RASSF2: variants seen among roughly 807,000 people sequenced by gnomAD.
The protein encoded by RASSF2 is Ras association domain family member 2.
Under a neutral mutation model 46.3 loss-of-function variants are expected in RASSF2, and 34 were observed. The observed-to-expected ratio is 0.73, with a 90% CI of 0.56 to 0.98. The LOEUF is 0.98. RASSF2 is among the 50% of genes least tolerant of loss of function. The probability of loss-of-function intolerance (pLI) is 0.00; values close to 1 mark genes in which losing one functional copy is unlikely to be tolerated. For missense variants in RASSF2, 364 were observed against 431.2 expected (o/e 0.84, Z 1.38); for synonymous variants, 158 against 162.5 (o/e 0.97, Z 0.21).
Position 4,788,256 on chromosome 20 carries a change from C to T in RASSF2, c.652G>A (p.Ala218Thr). The T allele has an allele frequency of 1.2e-6, 2 of 1,608,704 alleles. No homozygotes were observed. The highest frequency in any genetic ancestry group is 1.7e-6 in the Non-Finnish European group (2 of 1,175,018). The change falls in exon 9 of 12, where the codon GCA (alanine) becomes ACA (threonine). Residue 218 changes from alanine (A) to threonine (T), a missense_variant. Physicochemically the swap from Ala to Thr is moderately conservative, Grantham distance 58. Coordinates refer to ENST00000379400, the MANE Select transcript of RASSF2 (RefSeq NM_014737.3). The part of the protein sequence containing the change: ...LLNKFKIENS[A>T]EEFALYVVHT... ...ACCACGTACAAGGCAAACTCCTCTG[C>T]TGAATTCTCAATCTGAAGCAGGAGC... is the stretch of plus-strand genomic sequence containing the variant.
chr20:4,815,994 ATTTT>A (rs1338762245), intron 2 of RASSF2, among the ~76,000 whole-genome samples: 1 of 152,152 alleles, frequency 6.6e-6, no homozygotes, highest in African/African-American at 2.4e-5. Context: ...TAAAATAAAC[ATTTT>A]TTGTTTTATT....
In RASSF2 at chr20:4,786,267, T is replaced by C. The variant is rs370311585; in HGVS notation, c.875A>G (p.Glu292Gly). 1.2e-6 allele frequency: 2 copies of C among 1,613,480 alleles called. No homozygotes were observed. Among genetic ancestry groups the C allele is most frequent in the Non-Finnish European group, 1.7e-6 (2 of 1,179,518 alleles). ...CTTCTTTACTTCCCGATCTTCTTCC[T>C]CCTGGAGCTTCTGAATGAAGCTTTT... ...VLKSFIQKLQ[E>G]EEDREVKKLM... The change falls in exon 11 of 12, where the codon GAG becomes GGG. Residue 292 changes from glutamate to glycine, a missense_variant. Transcript: ENST00000379400.
In RASSF2 at chr20:4,790,609, A is replaced by G; in HGVS notation, c.379T>C (p.Ser127Pro). 1.3e-6 allele frequency: 2 copies of G among 1,518,242 alleles called. No individual in the cohort carries two copies. The highest frequency in any genetic ancestry group is 1.7e-6 in the Non-Finnish European group (2 of 1,144,818). 94.0% of individuals were successfully genotyped at this position (1,518,242 alleles called of 1,614,324 possible). A position where few individuals can be genotyped will look rare whatever the true frequency, so the allele number is the denominator to read the frequency against. The change falls in exon 7 of 12, where the codon TCC becomes CCC. Residue 127 changes from serine to proline, a missense_variant and splice_region_variant. Coordinates refer to ENST00000379400, the MANE Select transcript of RASSF2 (RefSeq NM_014737.3). The surrounding 1 kb of genome is among the most constrained non-coding windows in gnomAD (Gnocchi z 4.3). ...TCCTGCAGGGGCTTCAGGCCCCTGGAGTCTGAGAGAGGAGAGGGAAATGAA... is the reference window on the plus strand; with the variant it reads ...TCCTGCAGGGGCTTCAGGCCCCTGGGGTCTGAGAGAGGAGAGGGAAATGAA... The part of the protein sequence containing the change: ...EGDQMPSSTD[S>P]RGLKPLQEDT...
chr20:4,810,363 A>G (rs1020719751), intron 2 of RASSF2, among the ~76,000 whole-genome samples: 2 of 152,212 alleles, frequency 1.3e-5, no homozygotes, highest in South Asian at 4.1e-4. Context: ...TCCTGAGAGG[A>G]GAGCACACAC....
intron 2 of RASSF2, among the ~76,000 whole-genome samples, chr20:4,811,384 A>AT (rs907457375): frequency 2.0e-5 from 3 of 152,048 alleles, no homozygotes; most frequent in Non-Finnish European, 2.9e-5. Context: ...CCTGACATCC[A>AT]GATTGCAGCC....
At chr20:4,789,534 C>T (rs1925676706) in intron 8 of RASSF2, 62 bp downstream of exon 8, 1 of 1,423,288 alleles carries the variant, frequency 7.0e-7, no homozygotes, top group African/African-American at 1.4e-5. Context: ...CGCACAACCA[C>T]TCTAGGAGTC....
Position 4,782,652 on chromosome 20 carries a change from T to TG in RASSF2, c.*1620_*1621insC, listed in dbSNP as rs1924940396. On this transcript the variant is annotated 3_prime_UTR_variant, in exon 12 of 12. Coordinates refer to ENST00000379400, the MANE Select transcript of RASSF2 (RefSeq NM_014737.3). ...CTTCTCAAGAAGCCATAGGTATGAA[T>TG]CGGGGGCAGGAGGGTGCCCAGGGCA... is the stretch of plus-strand genomic sequence containing the variant. 6.6e-6 allele frequency: 1 copy of TG among 152,248 alleles called. No individual in the cohort carries two copies. Among genetic ancestry groups the TG allele is most frequent in the East Asian group, 1.9e-4 (1 of 5,188 alleles). The allele number at this position is 152,248 out of a possible 1,614,324, so 9.4% of individuals were successfully genotyped here.
chr20:4,809,463 G>A lies in RASSF2; in HGVS notation c.-32-8401C>T, dbSNP rs114732634. On this transcript the variant is annotated intron_variant, in intron 2 of 11. Coordinates refer to ENST00000379400, the MANE Select transcript of RASSF2 (RefSeq NM_014737.3). ...ATGCAGGGACAGGCACTCCCACTTC[G>A]GCCTGCCCTTCAGCACAGCACGTAC... 1.0e-2 allele frequency among the ~76,000 whole-genome samples: 1,519 copies of A among 152,098 alleles called. 30 individuals carry two copies. The highest frequency in any genetic ancestry group is 0.035 in the African/African-American group (1,448 of 41,456).
rs1245542640 is a variant in RASSF2 at position 4,790,088 on chromosome 20, C to T, written c.537+363G>A. Among the ~76,000 whole-genome samples the T allele has an allele frequency of 1.3e-5, 2 of 152,194 alleles. No homozygotes were observed. Among genetic ancestry groups the T allele is most frequent in the African/African-American group, 4.8e-5 (2 of 41,444 alleles). On this transcript the variant is annotated intron_variant, in intron 7 of 11. Coordinates refer to ENST00000379400, the MANE Select transcript of RASSF2 (RefSeq NM_014737.3). The surrounding 1 kb of genome is among the most constrained non-coding windows in gnomAD (Gnocchi z 4.3). ...GCTTCAGCTCTGGGAAAAGCCAGAC[C>T]ATACACCAGCTGGGGGCACAGTGTG...
At chr20:4,794,477 G>A (rs141220390) in intron 5 of RASSF2, among the ~76,000 whole-genome samples, 2 of 151,932 alleles carry the variant, frequency 1.3e-5, no homozygotes, top group East Asian at 1.9e-4. Context: ...GCTGAGGCAC[G>A]AATCGCTTGA....
Position 4,795,138 on chromosome 20 carries a change from G to A in RASSF2, c.287+677C>T, listed in dbSNP as rs1926225659. On this transcript the variant is annotated intron_variant, in intron 5 of 11. Coordinates refer to ENST00000379400, the MANE Select transcript of RASSF2 (RefSeq NM_014737.3). The surrounding 1 kb of genome is among the most constrained non-coding windows in gnomAD (Gnocchi z 4.0). ...CCCAGAAAGACAATAAAGAGGGCAT[G>A]CCTTGCTAGAGGCATTTGGCGGCGC... 1 of 152,288 alleles carries A rather than the reference G, an allele frequency of 6.6e-6. No individual in the cohort carries two copies. Among genetic ancestry groups the A allele is most frequent in the Non-Finnish European group, 1.5e-5 (1 of 68,080 alleles). 9.4% of individuals were successfully genotyped at this position (152,288 alleles called of 1,614,324 possible). A position where few individuals can be genotyped will look rare whatever the true frequency, so the allele number is the denominator to read the frequency against.
At chr20:4,814,666 A>G (rs1928137370) in intron 2 of RASSF2, among the ~76,000 whole-genome samples, 1 of 152,142 alleles carries the variant, frequency 6.6e-6, no homozygotes, top group Non-Finnish European at 1.5e-5. Flanking sequence ...GGCGGCAGTC[A>G]TTGCGGCATA....
chr20:4,800,869 T>G, intron 3 of RASSF2, 103 bp downstream of exon 3: 1 of 952,540 alleles, frequency 1.0e-6, no homozygotes, highest in South Asian at 1.3e-5. Flanking sequence ...CCCACCAGTC[T>G]GATATACAGT....
At chr20:4,807,945 C>T (rs1209281601) in intron 2 of RASSF2, among the ~76,000 whole-genome samples, 1 of 152,204 alleles carries the variant, frequency 6.6e-6, no homozygotes, top group Non-Finnish European at 1.5e-5. Flanking sequence ...CTGCAGCCAG[C>T]TAAAGATACT....
At chr20:4,785,288 G>A (rs971770376) in intron 11 of RASSF2, among the ~76,000 whole-genome samples, 7 of 152,012 alleles carry the variant, frequency 4.6e-5, no homozygotes, top group Non-Finnish European at 8.8e-5. Flanking sequence ...GCAGTGAGCC[G>A]AGATCGCATC....
rs1028541273 is a variant in RASSF2 at position 4,782,088 on chromosome 20, C to T, written c.*2185G>A. 1.3e-5 allele frequency: 2 copies of T among 152,214 alleles called. No individual in the cohort carries two copies. The highest frequency in any genetic ancestry group is 2.4e-5 in the African/African-American group (1 of 41,446). 9.4% of individuals were successfully genotyped at this position (152,214 alleles called of 1,614,324 possible). On this transcript the variant is annotated 3_prime_UTR_variant, in exon 12 of 12. Coordinates refer to ENST00000379400, the MANE Select transcript of RASSF2 (RefSeq NM_014737.3). ...CTCCTGACCTCCCATCTTTAAAAAG[C>T]TGAGTCTGCCTTAGTATCGCTCCCT...
chr20:4,799,519 C>A lies in RASSF2; in HGVS notation c.60-1434G>T, dbSNP rs543341997. Among the ~76,000 whole-genome samples, 4 of 152,314 alleles carry A rather than the reference C, an allele frequency of 2.6e-5. No individual in the cohort carries two copies. In the East Asian group the frequency reaches 7.7e-4, roughly 29 times the overall value. On this transcript the variant is annotated intron_variant, in intron 3 of 11. Transcript: ENST00000379400. ...TTTTGGACCACGCCAGGAGTCAAGA[C>A]CCACTGGAAATGCCAAGAAAATCCT...
intron 2 of RASSF2, among the ~76,000 whole-genome samples, chr20:4,803,735 C>G (rs1568574563): frequency 6.6e-6 from 1 of 151,504 alleles, no homozygotes; most frequent in African/African-American, 2.4e-5. Context: ...CTAGCCTGGG[C>G]AACAGAGTAA....
intron 6 of RASSF2, among the ~76,000 whole-genome samples, chr20:4,791,338 G>A (rs979656547): frequency 1.7e-4 from 26 of 152,122 alleles, no homozygotes; most frequent in African/African-American, 6.3e-4. Flanking sequence ...GATGGATGGT[G>A]GTGATGGTTG....
Sources: gnomAD v4.1 joint callset for allele counts (sites outside exome capture counted in the v4.1 genomes callset) on GRCh38, gnomAD v4.1.1 for gene constraint, Gnocchi (gnomAD v3.1) non-coding constraint, MANE v1.5 for transcripts, NCBI Gene and HGNC (gene_info 2026-07-23, HGNC 2026-07-21) for gene names.